OR10H1: variants seen among roughly 807,000 people sequenced by gnomAD.
OR10H1 encodes olfactory receptor family 10 subfamily H member 1, also known as olfactory receptor 10H1.
A neutral mutation model predicts 13.1 loss-of-function variants in OR10H1; 12 were observed. That is an observed-to-expected ratio of 0.92 (90% CI 0.59 to 1.48). OR10H1 has a LOEUF of 1.48. Ranked by LOEUF, OR10H1 falls within the 40% of genes most tolerant of loss-of-function variation. The probability of loss-of-function intolerance (pLI) is 0.00; values close to 1 mark genes in which losing one functional copy is unlikely to be tolerated. For synonymous variants in OR10H1, 168 were observed against 175.6 expected, an observed-to-expected ratio of 0.96 and a Z score of 0.34; for missense variants, 363 against 413.1, an observed-to-expected ratio of 0.88 and a Z score of 1.05.
Position 15,807,096 on chromosome 19 carries a change from T to C in OR10H1, c.942A>G (p.Lys314=). The C allele has an allele frequency of 6.2e-7, 1 of 1,610,340 alleles. No individual in the cohort carries two copies. Among genetic ancestry groups the C allele is most frequent in the Non-Finnish European group, 8.5e-7 (1 of 1,178,686 alleles). Residue 314 remains lysine, a synonymous_variant, in exon 4 of 4, where the codon AAA becomes AAG. Coordinates refer to ENST00000641419, the MANE Select transcript of OR10H1 (RefSeq NM_013940.4). ...TGAATTTCTCCTACATCATTACATT[T>C]TTTTCTGGGTAGAGTTTACTGAAGA... ...KTFFSKLYPE[K]NVMM
rs2088885910 is a variant in OR10H1 at position 15,804,720 on chromosome 19, T to A, written c.*2361A>T. 1 of 152,242 alleles carries A rather than the reference T, an allele frequency of 6.6e-6. No individual in the cohort carries two copies. The highest frequency in any genetic ancestry group is 6.5e-5 in the Admixed American group (1 of 15,284). 9.4% of individuals were successfully genotyped at this position (152,242 alleles called of 1,614,324 possible). ...GTCTTTATAGCAGCATGATTTATAA[T>A]CCTTTGGGTATATACCCAGTAATGG... On this transcript the variant is annotated 3_prime_UTR_variant, in exon 4 of 4. Transcript: ENST00000641419.
chr19:15,814,657 C>T (rs1419935825), intron 1 of OR10H1, among the ~76,000 whole-genome samples: 2 of 149,986 alleles, frequency 1.3e-5, no homozygotes, highest in Non-Finnish European at 3.0e-5. Flanking sequence ...CAGGTGCCTG[C>T]CATTCCTGGC....
chr19:15,813,474 A>AAGAG (rs57320070), intron 1 of OR10H1, among the ~76,000 whole-genome samples: 114 of 138,970 alleles, frequency 8.2e-4, no homozygotes, highest in Middle Eastern at 3.6e-3. Flanking sequence ...GAGGCAGGGG[A>AAGAG]AGAGAGAGAG....
At chr19:15,810,076 C>A (rs2088924687) in intron 2 of OR10H1, among the ~76,000 whole-genome samples, 1 of 152,094 alleles carries the variant, frequency 6.6e-6, no homozygotes, top group Non-Finnish European at 1.5e-5. Flanking sequence ...GGGCAGATCA[C>A]TTGAGATCAG....
chr19:15,807,649 A>G lies in OR10H1; in HGVS notation c.389T>C (p.Leu130Pro), dbSNP rs2144940434. 1 of 1,614,100 alleles carries G rather than the reference A, an allele frequency of 6.2e-7. No homozygotes were observed. The highest frequency in any genetic ancestry group is 1.1e-5 in the South Asian group (1 of 91,058). Residue 130 changes from leucine (L) to proline (P), a missense_variant, in exon 4 of 4, where the codon CTG becomes CCG. Around this residue, in one of 3 missense-constraint regions of OR10H1, gnomAD observed 318 missense variants for 366.6 expected, o/e 0.87. Transcript: ENST00000641419. ...YDRYVAICHP[L>P]RYNVLMSPRG... ...CGGGCTCATGAGCACGTTGTAGCGC[A>G]GGGGGTGGCAGATGGCCACGTAGCG...
In OR10H1 at chr19:15,812,733, G is replaced by A. The variant is rs1216658039; in HGVS notation, c.-632C>T. On this transcript the variant is annotated 5_prime_UTR_variant, in exon 2 of 4. Coordinates refer to ENST00000641419, the MANE Select transcript of OR10H1 (RefSeq NM_013940.4). ...AGATAGGAAGAAACGAGGGAGGGAG[G>A]AATGGAGGGAGGAAGGAAGGGAGGG... 6.8e-6 allele frequency: 1 copy of A among 148,074 alleles called. No homozygotes were observed. Among genetic ancestry groups the A allele is most frequent in the Non-Finnish European group, 1.5e-5 (1 of 66,976 alleles). 9.2% of individuals were successfully genotyped at this position (148,074 alleles called of 1,614,324 possible). A position where few individuals can be genotyped will look rare whatever the true frequency, so the allele number is the denominator to read the frequency against.
At chr19:15,814,474 TGTGTGTGAGAGAGAGAGA>T (rs1423028637) in intron 1 of OR10H1, among the ~76,000 whole-genome samples, 45 of 31,436 alleles carry the variant, frequency 1.4e-3, no homozygotes, top group African/African-American at 3.0e-3. Flanking sequence ...TGTGTGTGTG[TGTGTGTGAGAGAGAGAGA>T]GAGAGAGAGA....
At position 15,806,768 on chromosome 19, in the gene OR10H1, C is replaced by T. The variant is rs1599310729; in HGVS notation, c.*313G>A. Reference sequence around the variant, plus strand: ...TCTTTGAGACAGTCTCACTCTGTCGCCCAGGCTGGAGTGCAGTGGTGTGAT... The same window carrying T: ...TCTTTGAGACAGTCTCACTCTGTCGTCCAGGCTGGAGTGCAGTGGTGTGAT... On this transcript the variant is annotated 3_prime_UTR_variant, in exon 4 of 4. Coordinates refer to ENST00000641419, the MANE Select transcript of OR10H1 (RefSeq NM_013940.4). 7.5e-6 allele frequency: 2 copies of T among 266,776 alleles called. No homozygotes were observed. The highest frequency in any genetic ancestry group is 1.4e-5 in the Non-Finnish European group (2 of 140,408). 16.5% of individuals were successfully genotyped at this position (266,776 alleles called of 1,614,324 possible).
At chr19:15,814,392 T>A (rs931011688) in intron 1 of OR10H1, among the ~76,000 whole-genome samples, 10 of 150,334 alleles carry the variant, frequency 6.7e-5, no homozygotes, top group African/African-American at 2.4e-4. Flanking sequence ...CTCCATCTTC[T>A]CATCCCCAGC....
chr19:15,813,570 GAGAC>G (rs2088946895), intron 1 of OR10H1, among the ~76,000 whole-genome samples: 1 of 150,630 alleles, frequency 6.6e-6, no homozygotes, highest in Non-Finnish European at 1.5e-5. Context: ...GAGAAAGAGA[GAGAC>G]AGAGAGGTGG....
At position 15,812,750 on chromosome 19, in the gene OR10H1, A is replaced by AGGG. The variant is rs2088941612; in HGVS notation, c.-650_-649insCCC. On this transcript the variant is annotated 5_prime_UTR_variant, in exon 2 of 4. Transcript: ENST00000641419. Reference sequence around the variant, plus strand: ...GGAGGGAGGAATGGAGGGAGGAAGGAAGGGAGGGAGGGAGAAACCTTGAGA... The same window carrying AGGG: ...GGAGGGAGGAATGGAGGGAGGAAGGAGGGAGGGAGGGAGGGAGAAACCTTGAGA... 1 of 145,184 alleles carries AGGG rather than the reference A, an allele frequency of 6.9e-6. No individual in the cohort carries two copies. Among genetic ancestry groups the AGGG allele is most frequent in the Admixed American group, 7.0e-5 (1 of 14,336 alleles). The allele number at this position is 145,184 out of a possible 1,614,324, so 9.0% of individuals were successfully genotyped here.
intron 1 of OR10H1, among the ~76,000 whole-genome samples, chr19:15,813,618 A>G (rs2088947121): frequency 7.1e-6 from 1 of 140,680 alleles, no homozygotes; most frequent in Non-Finnish European, 1.5e-5. Context: ...GAGCACACAC[A>G]GAGAGAGAGA....
chr19:15,806,939 C>G lies in OR10H1; in HGVS notation c.*142G>C. The stretch of plus-strand genomic sequence containing the variant: ...ATGGGGTTTCGCCATGTTAGCCATG[C>G]TGGTCTCAAACTCCTGACCTCAGGT... On this transcript the variant is annotated 3_prime_UTR_variant, in exon 4 of 4. Coordinates refer to ENST00000641419, the MANE Select transcript of OR10H1 (RefSeq NM_013940.4). 1.3e-6 allele frequency: 1 copy of G among 748,414 alleles called. No individual in the cohort carries two copies. The highest frequency in any genetic ancestry group is 2.5e-5 in the East Asian group (1 of 40,222). 46.4% of individuals were successfully genotyped at this position (748,414 alleles called of 1,614,324 possible).
intron 2 of OR10H1, among the ~76,000 whole-genome samples, chr19:15,810,401 T>C (rs939454285): frequency 4.6e-5 from 7 of 151,516 alleles, no homozygotes; most frequent in Admixed American, 2.6e-4. Flanking sequence ...ATGGGGCCTT[T>C]TGTGTCTCAT....
intron 1 of OR10H1, among the ~76,000 whole-genome samples, chr19:15,814,623 C>G (rs1280968530): frequency 6.8e-6 from 1 of 147,246 alleles, no homozygotes; most frequent in African/African-American, 2.5e-5. Flanking sequence ...AGCAATCCTC[C>G]CACCTCAATC....
At chr19:15,810,785 T>C (rs545813634) in intron 2 of OR10H1, among the ~76,000 whole-genome samples, 1 of 152,108 alleles carries the variant, frequency 6.6e-6, no homozygotes, top group South Asian at 2.1e-4. Flanking sequence ...ATGTTCTTGA[T>C]GCCACTGAAT....
intron 1 of OR10H1, among the ~76,000 whole-genome samples, chr19:15,813,901 G>A (rs1025946330): frequency 6.6e-6 from 1 of 151,788 alleles, no homozygotes; most frequent in Non-Finnish European, 1.5e-5. Context: ...AGGACAGAGG[G>A]GAAAGAGAAG....
chr19:15,809,906 C>T (rs2088923891), intron 2 of OR10H1, among the ~76,000 whole-genome samples: 1 of 151,910 alleles, frequency 6.6e-6, no homozygotes, highest in African/African-American at 2.4e-5. Flanking sequence ...GCCTTCGGCT[C>T]CTGGGCTTAA....
At chr19:15,810,293 C>CAAAA (rs56079033) in intron 2 of OR10H1, among the ~76,000 whole-genome samples, 4 of 107,338 alleles carry the variant, frequency 3.7e-5, no homozygotes, top group African/African-American at 1.1e-4. Flanking sequence ...GACTCCTTCT[C>CAAAA]AAAAAAAAAA....
Sources: allele counts gnomAD v4.1 joint callset (sites outside exome capture counted in the v4.1 genomes callset), GRCh38; gene constraint gnomAD v4.1.1; regional missense constraint gnomAD v4.1.1; transcripts MANE v1.5; gene names NCBI Gene and HGNC (gene_info 2026-07-23, HGNC 2026-07-21).